SRPK2: variants seen among roughly 807,000 people sequenced by gnomAD.
SRPK2 encodes SFRS protein kinase 2.
SRPK2 carries 21 observed loss-of-function variants against 90.8 expected under a neutral mutation model. The observed-to-expected ratio is 0.23, with a 90% CI of 0.16 to 0.33. SRPK2 has a LOEUF of 0.33. Ranked by LOEUF, SRPK2 falls within the 10% of genes least tolerant of loss-of-function variation. SRPK2 has a pLI of 1.00. For synonymous variants in SRPK2, 288 were observed against 311.1 expected (o/e 0.93, Z 0.78); for missense variants, 620 against 869.0 (o/e 0.71, Z 3.60).
At chr7:105,305,855 A>G (rs888213460) in intron 2 of SRPK2, among the ~76,000 whole-genome samples, 38 of 152,246 alleles carry the variant, frequency 2.5e-4, no homozygotes, top group African/African-American at 9.2e-4. Context: ...AAGTACGGGG[A>G]AAAGGCTAGA....
At chr7:105,239,551 A>T (rs1280881935) in intron 2 of SRPK2, among the ~76,000 whole-genome samples, 1 of 152,222 alleles carries the variant, frequency 6.6e-6, no homozygotes, top group Non-Finnish European at 1.5e-5. Flanking sequence ...CAAATGCTGG[A>T]AGCAGGGAAA....
At chr7:105,123,670 C>G (rs776359653) in intron 15 of SRPK2, among the ~76,000 whole-genome samples, 4 of 152,274 alleles carry the variant, frequency 2.6e-5, no homozygotes, top group Non-Finnish European at 5.9e-5. Context: ...TCCTAAGAGA[C>G]AACGGTGAAA....
chr7:105,286,940 T>TATG (rs965209322), intron 2 of SRPK2, among the ~76,000 whole-genome samples: 1 of 152,150 alleles, frequency 6.6e-6, no homozygotes, highest in African/African-American at 2.4e-5. Flanking sequence ...TCAGATGAAC[T>TATG]ATGGTACATT....
At chr7:105,369,260 C>A (rs1819442411) in intron 2 of SRPK2, among the ~76,000 whole-genome samples, 1 of 151,956 alleles carries the variant, frequency 6.6e-6, no homozygotes, top group Non-Finnish European at 1.5e-5. Flanking sequence ...AATTCTCCTG[C>A]CTCAGCCTCC....
intron 2 of SRPK2, among the ~76,000 whole-genome samples, chr7:105,380,999 C>G (rs1461522732): frequency 7.2e-6 from 1 of 138,436 alleles, no homozygotes; most frequent in Non-Finnish European, 1.5e-5. Flanking sequence ...TAGCTCATGA[C>G]TGTAATCCCA....
intron 2 of SRPK2, among the ~76,000 whole-genome samples, chr7:105,312,134 T>C (rs1023554640): frequency 1.3e-5 from 2 of 152,156 alleles, no homozygotes; most frequent in Admixed American, 6.5e-5. Context: ...GAAGTACTGA[T>C]ATATGCTACA....
At chr7:105,291,826 A>G (rs182807330) in intron 2 of SRPK2, among the ~76,000 whole-genome samples, 136 of 152,332 alleles carry the variant, frequency 8.9e-4, no homozygotes, top group African/African-American at 3.0e-3. Flanking sequence ...ATGAATATAA[A>G]GAAAAAATAT....
chr7:105,386,136 A>C (rs1402854292), intron 2 of SRPK2, among the ~76,000 whole-genome samples: 2 of 151,576 alleles, frequency 1.3e-5, no homozygotes, highest in African/African-American at 2.4e-5. Flanking sequence ...AACACGGTGA[A>C]ACCCCACCTC....
intron 2 of SRPK2, among the ~76,000 whole-genome samples, chr7:105,215,049 A>G (rs923760061): frequency 3.3e-5 from 5 of 152,248 alleles, no homozygotes; most frequent in African/African-American, 1.2e-4. Flanking sequence ...TTTATAGTCA[A>G]CTGATTTCCA....
chr7:105,173,652 C>T (rs145947255), intron 3 of SRPK2, among the ~76,000 whole-genome samples: 1 of 152,170 alleles, frequency 6.6e-6, no homozygotes, highest in East Asian at 1.9e-4. Flanking sequence ...CATGGTCTAC[C>T]ACATTGCCCA....
rs1057222978 is a variant in SRPK2, at chr7:105,117,568, CACACA to C, written c.*265_*269del. On this transcript the variant is annotated 3_prime_UTR_variant, in exon 16 of 16. Coordinates refer to ENST00000393651, the MANE Select transcript of SRPK2 (RefSeq NM_182692.3). ...ATTCAAAAAAATGACATTTGAATGT[CACACA>C]ACACAAGAAACAATGCTTAGAGACA... is the stretch of plus-strand genomic sequence containing the variant. 5 of 416,984 alleles carry C rather than the reference CACACA, an allele frequency of 1.2e-5. No individual in the cohort carries two copies. Among genetic ancestry groups the C allele is most frequent in the South Asian group, 8.0e-5 (2 of 24,996 alleles). 25.8% of individuals were successfully genotyped at this position (416,984 alleles called of 1,614,324 possible). A position where few individuals can be genotyped will look rare whatever the true frequency, so the allele number is the denominator to read the frequency against.
At chr7:105,373,389 A>AT (rs397970137) in intron 2 of SRPK2, among the ~76,000 whole-genome samples, 22 of 142,710 alleles carry the variant, frequency 1.5e-4, no homozygotes, top group Middle Eastern at 3.5e-3. Flanking sequence ...AAAAAAAAAA[A>AT]TTTTTTTTCT....
intron 2 of SRPK2, among the ~76,000 whole-genome samples, chr7:105,363,731 T>C (rs570480992): frequency 6.6e-6 from 1 of 152,074 alleles, no homozygotes; most frequent in Admixed American, 6.6e-5. Context: ...CACATGCACA[T>C]GTATGTTTAT....
intron 2 of SRPK2, among the ~76,000 whole-genome samples, chr7:105,234,515 C>T (rs78638369): frequency 6.6e-6 from 1 of 151,936 alleles, no homozygotes; most frequent in Non-Finnish European, 1.5e-5. Context: ...CACTTCAACC[C>T]GTAAAATAAT....
chr7:105,371,440 A>G (rs531739452), intron 2 of SRPK2, among the ~76,000 whole-genome samples: 1 of 149,348 alleles, frequency 6.7e-6, no homozygotes, highest in African/African-American at 2.5e-5. Context: ...CAGTGTCAGT[A>G]TCATATATGA....
At chr7:105,237,840 T>C (rs1800323892) in intron 2 of SRPK2, among the ~76,000 whole-genome samples, 1 of 152,200 alleles carries the variant, frequency 6.6e-6, no homozygotes, top group African/African-American at 2.4e-5. Context: ...TGCTTGGTTA[T>C]AGGTGCATTA....
chr7:105,124,291 C>T (rs1221461669), intron 15 of SRPK2, among the ~76,000 whole-genome samples: 4 of 152,160 alleles, frequency 2.6e-5, no homozygotes, highest in Non-Finnish European at 4.4e-5. Flanking sequence ...CCTTCCTTCC[C>T]GCTGTGCACA....
At chr7:105,329,403 G>A (rs147012419) in intron 2 of SRPK2, among the ~76,000 whole-genome samples, 10 of 152,264 alleles carry the variant, frequency 6.6e-5, no homozygotes, top group Non-Finnish European at 1.2e-4. Flanking sequence ...GAAACAGAAA[G>A]AGCAGGGAAA....
chr7:105,223,845 A>G (rs1427218470), intron 2 of SRPK2, among the ~76,000 whole-genome samples: 1 of 152,216 alleles, frequency 6.6e-6, no homozygotes, highest in African/African-American at 2.4e-5. Context: ...CGGTAAAAGT[A>G]TTGTTTCTTG....
Sources: allele counts gnomAD v4.1 joint callset (sites outside exome capture counted in the v4.1 genomes callset), GRCh38; gene constraint gnomAD v4.1.1; transcripts MANE v1.5; gene names NCBI Gene and HGNC (gene_info 2026-07-23, HGNC 2026-07-21).